The following DARS1 variants were observed in gnomAD, a reference collection of about 807,000 sequenced individuals.
DARS1 encodes the protein aspartate--tRNA ligase, cytoplasmic.
In DARS1, 51 loss-of-function variants were observed where a neutral mutation model predicts 68.8. That is an observed-to-expected ratio of 0.74 (90% CI 0.59 to 0.94). The LOEUF (loss-of-function observed/expected upper bound fraction) is 0.94. DARS1 is among the 40% of genes least tolerant of loss of function. DARS1 has a pLI of 0.00. For missense variants in DARS1, 607 were observed against 597.3 expected (o/e 1.02, Z -0.17); for synonymous variants, 203 against 190.4 (o/e 1.07, Z -0.55).
Position 135,961,446 on chromosome 2 carries a change from A to C in DARS1, c.270T>G (p.Leu90=). Residue 90 remains leucine (L), a synonymous_variant, in exon 4 of 16, where the codon CTT becomes CTG. Coordinates refer to ENST00000264161, the MANE Select transcript of DARS1 (RefSeq NM_001349.4). ...LRQQQFNVQA[L]VAVGDHASKQ... Reference sequence around the variant, plus strand: ...TGCTTGCATGGTCTCCCACCGCCACAAGAGCCTGGACATTAAACTGCTGCT... The same window carrying C: ...TGCTTGCATGGTCTCCCACCGCCACCAGAGCCTGGACATTAAACTGCTGCT... The C allele has an allele frequency of 6.4e-7, 1 of 1,565,444 alleles. No homozygotes were observed. Among genetic ancestry groups the C allele is most frequent in the Non-Finnish European group, 8.8e-7 (1 of 1,135,528 alleles).
At chr2:135,955,957 C>A (rs1681964752) in intron 4 of DARS1, among the ~76,000 whole-genome samples, 1 of 152,040 alleles carries the variant, frequency 6.6e-6, no homozygotes, top group African/African-American at 2.4e-5. Context: ...CCACGCCCAG[C>A]CATATGTTTC....
chr2:135,956,405 G>A (rs1189146167), intron 4 of DARS1, among the ~76,000 whole-genome samples: 2 of 152,192 alleles, frequency 1.3e-5, no homozygotes, highest in Non-Finnish European at 2.9e-5. Flanking sequence ...TCTTGTTGAA[G>A]GCAGGCGAGG....
rs562045184 is a variant in DARS1, at chr2:135,971,243, G to A, written c.217+8031C>T. Among the ~76,000 whole-genome samples the A allele has an allele frequency of 1.3e-4, 20 of 152,162 alleles. No individual in the cohort carries two copies. The East Asian group carries it at 3.5e-3, about 26-fold the overall frequency. On this transcript the variant is annotated intron_variant, in intron 3 of 15. Transcript: ENST00000264161. ...CAATACGGTAAAAAGATCATTCATCGTGACCAAGTGGGATTTATCTCAGGG... is the reference window on the plus strand; with the variant it reads ...CAATACGGTAAAAAGATCATTCATCATGACCAAGTGGGATTTATCTCAGGG...
chr2:135,942,291 T>C (rs953837988), intron 5 of DARS1, among the ~76,000 whole-genome samples: 1 of 152,090 alleles, frequency 6.6e-6, no homozygotes, highest in African/African-American at 2.4e-5. Context: ...TAAGAAAATG[T>C]GGCACATATA....
At chr2:135,917,548 TCA>T (rs1681031411) in intron 10 of DARS1, among the ~76,000 whole-genome samples, 1 of 152,142 alleles carries the variant, frequency 6.6e-6, no homozygotes, top group South Asian at 2.1e-4. Flanking sequence ...CAATCTTGGC[TCA>T]CCACAACCTC....
chr2:135,911,714 A>T (rs1197588553), intron 13 of DARS1: 4 of 399,766 alleles, frequency 1.0e-5, no homozygotes, highest in African/African-American at 8.4e-5. Context: ...CCAATAACAA[A>T]TCAGAGCATC....
intron 4 of DARS1, among the ~76,000 whole-genome samples, chr2:135,949,095 T>C (rs1014126612): frequency 6.6e-6 from 1 of 151,990 alleles, no homozygotes; most frequent in Non-Finnish European, 1.5e-5. Context: ...AAATAAAATA[T>C]ATATGTATAC....
Position 135,985,612 on chromosome 2 carries a change from C to G in DARS1, c.-144G>C. Reference sequence around the variant, plus strand: ...CGCGCTCGGACTCCGCGTGGAGGTGCGGCTCCAGAAAGATCGCGAGAGCTG... The same window carrying G: ...CGCGCTCGGACTCCGCGTGGAGGTGGGGCTCCAGAAAGATCGCGAGAGCTG... On this transcript the variant is annotated 5_prime_UTR_variant, in exon 1 of 16. Transcript: ENST00000264161. 1 of 1,510,696 alleles carries G rather than the reference C, an allele frequency of 6.6e-7. No homozygotes were observed. The highest frequency in any genetic ancestry group is 8.9e-7 in the Non-Finnish European group (1 of 1,123,114). 93.6% of individuals were successfully genotyped at this position (1,510,696 alleles called of 1,614,324 possible).
intron 1 of DARS1, among the ~76,000 whole-genome samples, chr2:135,984,942 T>G (rs1682737245): frequency 6.6e-6 from 1 of 152,226 alleles, no homozygotes; most frequent in South Asian, 2.1e-4. Flanking sequence ...AGCTGTCACA[T>G]GGGAAATGGT....
intron 3 of DARS1, among the ~76,000 whole-genome samples, chr2:135,976,837 C>T (rs1468792082): frequency 1.3e-5 from 2 of 150,596 alleles, no homozygotes; most frequent in Non-Finnish European, 2.9e-5. Flanking sequence ...CCCAAGCATT[C>T]TGGATAAGGG....
intron 4 of DARS1, among the ~76,000 whole-genome samples, chr2:135,948,236 G>A (rs1681770099): frequency 6.6e-6 from 1 of 152,204 alleles, no homozygotes; most frequent in Non-Finnish European, 1.5e-5. Flanking sequence ...TGTTCAAGGA[G>A]TTGCAATACA....
intron 3 of DARS1, among the ~76,000 whole-genome samples, chr2:135,975,953 A>C (rs1024897315): frequency 4.6e-5 from 7 of 152,146 alleles, no homozygotes; most frequent in Admixed American, 2.0e-4. Flanking sequence ...CACCTCAAAC[A>C]AACCAACCAA....
intron 4 of DARS1, among the ~76,000 whole-genome samples, chr2:135,950,106 G>C (rs1474600677): frequency 6.6e-6 from 1 of 152,178 alleles, no homozygotes; most frequent in Non-Finnish European, 1.5e-5. Flanking sequence ...AGAGGGAATA[G>C]AGTTAAATAT....
intron 15 of DARS1, 72 bp from the exon 16 acceptor site, chr2:135,907,479 T>C: frequency 1.0e-6 from 1 of 970,832 alleles, no homozygotes. Flanking sequence ...ACTACAAACA[T>C]AAATGTAATC....
intron 8 of DARS1, among the ~76,000 whole-genome samples, chr2:135,924,129 C>T (rs1681163367): frequency 6.6e-6 from 1 of 152,108 alleles, no homozygotes; most frequent in African/African-American, 2.4e-5. Context: ...AGTTCTGTAA[C>T]AAGAATCTTG....
chr2:135,949,637 C>G (rs938631814), intron 4 of DARS1, among the ~76,000 whole-genome samples: 1 of 152,152 alleles, frequency 6.6e-6, no homozygotes, highest in African/African-American at 2.4e-5. Flanking sequence ...ATGTGCCAAC[C>G]TTCCTATGTA....
intron 7 of DARS1, among the ~76,000 whole-genome samples, chr2:135,925,837 A>G (rs911805998): frequency 3.3e-5 from 5 of 152,234 alleles, no homozygotes; most frequent in African/African-American, 1.2e-4. Context: ...CCTATTTAGC[A>G]AAAAGCTGTT....
At chr2:135,982,975 A>G (rs1429586390) in intron 2 of DARS1, among the ~76,000 whole-genome samples, 1 of 152,180 alleles carries the variant, frequency 6.6e-6, no homozygotes, top group Non-Finnish European at 1.5e-5. Flanking sequence ...GGAATAAATA[A>G]TAGCTAAAAA....
chr2:135,935,909 T>C (rs1681463096), intron 5 of DARS1, among the ~76,000 whole-genome samples: 3 of 152,238 alleles, frequency 2.0e-5, no homozygotes, highest in Non-Finnish European at 4.4e-5. Context: ...TAGGATACTC[T>C]AGTATTCCTT....
Sources: allele counts gnomAD v4.1 joint callset (sites outside exome capture counted in the v4.1 genomes callset), GRCh38; gene constraint gnomAD v4.1.1; transcripts MANE v1.5; gene names NCBI Gene and HGNC (gene_info 2026-07-23, HGNC 2026-07-21).